Variants in BRIP1 observed in about 807,000 individuals in gnomAD.
The protein encoded by BRIP1 is BRCA1 interacting DNA helicase 1, also known as Fanconi anemia group J protein.
BRIP1 carries 88 observed loss-of-function variants against 119.7 expected under a neutral mutation model. That is an observed-to-expected ratio of 0.74 (90% CI 0.62 to 0.88). BRIP1 has a LOEUF of 0.88. Ranked by LOEUF, BRIP1 falls within the 40% of genes least tolerant of loss-of-function variation. The pLI, the probability that BRIP1 is intolerant of heterozygous loss-of-function variation, is 0.00. For synonymous variants in BRIP1, 443 were observed against 496.5 expected (o/e 0.89, Z 1.43); for missense variants, 1,259 against 1,455.4 (o/e 0.87, Z 2.20).
At position 61,824,220 on chromosome 17, in the gene BRIP1, T is replaced by G. The variant is rs2078371582; in HGVS notation, c.628-15463A>C. 6.6e-6 allele frequency among the ~76,000 whole-genome samples: 1 copy of G among 152,224 alleles called. No individual in the cohort carries two copies. The highest frequency in any genetic ancestry group is 1.5e-5 in the Non-Finnish European group (1 of 68,034). ...TGCTGAAAGAAAGAAAATGTGAACC[T>G]AAACTTCAATACCCAGTGAAAATGT... On this transcript the variant is annotated intron_variant, in intron 6 of 19. Transcript: ENST00000259008. The surrounding 1 kb of genome is among the most constrained non-coding windows in gnomAD (Gnocchi z 4.3).
At position 61,739,794 on chromosome 17, in the gene BRIP1, C is replaced by A. The variant is rs771816065; in HGVS notation, c.2379+3219G>T. On this transcript the variant is annotated intron_variant, in intron 16 of 19. Coordinates refer to ENST00000259008, the MANE Select transcript of BRIP1 (RefSeq NM_032043.3). This position sits in a 1 kb window ranked among gnomAD's most constrained non-coding sequence, Gnocchi z 6.0. ...GAAAATCTCAAATTTTCTCAGATTG[C>A]CAGCACTTTCAAATGCCTGTAGGAA... 2.6e-5 allele frequency among the ~76,000 whole-genome samples: 4 copies of A among 152,158 alleles called. No homozygotes were observed. Among genetic ancestry groups the A allele is most frequent in the Middle Eastern group, 3.4e-3 (1 of 294 alleles).
Position 61,793,293 on chromosome 17 carries a change from T to C in BRIP1, c.1473+304A>G, listed in dbSNP as rs2077847037. Among the ~76,000 whole-genome samples, 1 of 152,068 alleles carries C rather than the reference T, an allele frequency of 6.6e-6. No homozygotes were observed. The highest frequency in any genetic ancestry group is 6.6e-5 in the Admixed American group (1 of 15,260). Reference sequence around the variant, plus strand: ...TCTCCTCTTTTTATTTTCTAAAATTTTAACTTTTACAATTGACTAAGTAAG... The same window carrying C: ...TCTCCTCTTTTTATTTTCTAAAATTCTAACTTTTACAATTGACTAAGTAAG... On this transcript the variant is annotated intron_variant, in intron 10 of 19. Transcript: ENST00000259008. This position sits in a 1 kb window ranked among gnomAD's most constrained non-coding sequence, Gnocchi z 5.2.
chr17:61,779,334 C>G (rs765249802), intron 13 of BRIP1, among the ~76,000 whole-genome samples: 40 of 152,202 alleles, frequency 2.6e-4, no homozygotes, highest in Non-Finnish European at 5.3e-4. Context: ...CCCAGCTACT[C>G]AGGAGGCTGA....
At position 61,807,773 on chromosome 17, in the gene BRIP1, A is replaced by C. The variant is rs549970512; in HGVS notation, c.918+694T>G. Among the ~76,000 whole-genome samples, 33 of 152,274 alleles carry C rather than the reference A, an allele frequency of 2.2e-4. No homozygotes were observed. Among genetic ancestry groups the C allele is most frequent in the African/African-American group, 6.3e-4 (26 of 41,582 alleles). ...ATTTCATACTTGCAACTTCAATTTT[A>C]GAGTAAACTAATTATCACACCAGAA... On this transcript the variant is annotated intron_variant, in intron 7 of 19. Transcript: ENST00000259008. This position sits in a 1 kb window ranked among gnomAD's most constrained non-coding sequence, Gnocchi z 4.5.
At chr17:61,850,070 G>A (rs1396023721) in intron 4 of BRIP1, among the ~76,000 whole-genome samples, 2 of 151,242 alleles carry the variant, frequency 1.3e-5, no homozygotes, top group Non-Finnish European at 2.9e-5. Flanking sequence ...CCACTCCCAT[G>A]GCTTGAATTA....
chr17:61,717,843 C>T lies in BRIP1; in HGVS notation c.2380-1780G>A, dbSNP rs2061906180. 6.6e-6 allele frequency among the ~76,000 whole-genome samples: 1 copy of T among 151,950 alleles called. No homozygotes were observed. The highest frequency in any genetic ancestry group is 2.4e-5 in the African/African-American group (1 of 41,374). ...TTTATATTACTCCACATGTCACTGA[C>T]CCTCTTTTTTTTCACTCTACACTTC... On this transcript the variant is annotated intron_variant, in intron 16 of 19. Transcript: ENST00000259008. The surrounding 1 kb of genome is among the most constrained non-coding windows in gnomAD (Gnocchi z 4.1).
intron 11 of BRIP1, chr17:61,784,054 C>T (rs561606810): frequency 2.2e-6 from 1 of 452,046 alleles, no homozygotes; most frequent in Admixed American, 3.8e-5. Context: ...TGCACTTCAG[C>T]CTGGGTGACA....
intron 10 of BRIP1, among the ~76,000 whole-genome samples, chr17:61,791,224 C>T (rs2077810788): frequency 6.6e-6 from 1 of 151,992 alleles, no homozygotes; most frequent in South Asian, 2.1e-4. Flanking sequence ...CACGGTGACT[C>T]ACACCTGTGA....
rs2078064481 is a variant in BRIP1 at position 61,805,713 on chromosome 17, AC to A, written c.918+2753del. On this transcript the variant is annotated intron_variant, in intron 7 of 19. Coordinates refer to ENST00000259008, the MANE Select transcript of BRIP1 (RefSeq NM_032043.3). The surrounding 1 kb of genome is among the most constrained non-coding windows in gnomAD (Gnocchi z 5.6). ...CTAAAATTCTGTGATTCAGGTAAAA[AC>A]GTGTCAATCATCTTTCATACTCTCA... Among the ~76,000 whole-genome samples, 1 of 152,158 alleles carries A rather than the reference AC, an allele frequency of 6.6e-6. No individual in the cohort carries two copies. The highest frequency in any genetic ancestry group is 2.1e-4 in the South Asian group (1 of 4,832).
chr17:61,731,567 C>T (rs1372771441), intron 16 of BRIP1, among the ~76,000 whole-genome samples: 1 of 152,224 alleles, frequency 6.6e-6, no homozygotes, highest in Non-Finnish European at 1.5e-5. Context: ...TTGGAAACTG[C>T]TATCCTCTTT....
Position 61,842,354 on chromosome 17 carries a change from G to T in BRIP1, c.627+4747C>A, listed in dbSNP as rs1411478820. Among the ~76,000 whole-genome samples, 1 of 152,022 alleles carries T rather than the reference G, an allele frequency of 6.6e-6. No homozygotes were observed. The highest frequency in any genetic ancestry group is 1.5e-5 in the Non-Finnish European group (1 of 67,996). On this transcript the variant is annotated intron_variant, in intron 6 of 19. Coordinates refer to ENST00000259008, the MANE Select transcript of BRIP1 (RefSeq NM_032043.3). The surrounding 1 kb of genome is among the most constrained non-coding windows in gnomAD (Gnocchi z 5.1). Reference sequence around the variant, plus strand: ...TACAGCTAGATTGGAGAAACAGGAGGAATAAGTTCTGGTATTCTATAGCAC... The same window carrying T: ...TACAGCTAGATTGGAGAAACAGGAGTAATAAGTTCTGGTATTCTATAGCAC...
Position 61,757,148 on chromosome 17 carries a change from A to T in BRIP1, c.2098-12557T>A, listed in dbSNP as rs967405650. ...AAGAGTTCCTTTTAAATACTAATAA[A>T]AATGAAAAAGTAGTAGTGTTTTTTA... On this transcript the variant is annotated intron_variant, in intron 14 of 19. Coordinates refer to ENST00000259008, the MANE Select transcript of BRIP1 (RefSeq NM_032043.3). The surrounding 1 kb of genome is among the most constrained non-coding windows in gnomAD (Gnocchi z 4.3). 6.6e-6 allele frequency among the ~76,000 whole-genome samples: 1 copy of T among 152,252 alleles called. No homozygotes were observed. Among genetic ancestry groups the T allele is most frequent in the African/African-American group, 2.4e-5 (1 of 41,478 alleles).
chr17:61,694,296 T>C (rs2061492142), intron 17 of BRIP1, among the ~76,000 whole-genome samples: 2 of 152,070 alleles, frequency 1.3e-5, no homozygotes, highest in Admixed American at 6.6e-5. Context: ...TTTCTGTCCT[T>C]AGAGAGTTGC....
In BRIP1 at chr17:61,753,940, C is replaced by T. The variant is rs2077167746; in HGVS notation, c.2098-9349G>A. Among the ~76,000 whole-genome samples, 1 of 152,152 alleles carries T rather than the reference C, an allele frequency of 6.6e-6. No individual in the cohort carries two copies. Among genetic ancestry groups the T allele is most frequent in the South Asian group, 2.1e-4 (1 of 4,816 alleles). ...CATCTCTACTACTGCTCATCCAATT[C>T]ATCAGCAAATCCTGCCAGCACTACT... On this transcript the variant is annotated intron_variant, in intron 14 of 19. Transcript: ENST00000259008. The surrounding 1 kb of genome is among the most constrained non-coding windows in gnomAD (Gnocchi z 4.6).
intron 6 of BRIP1, among the ~76,000 whole-genome samples, chr17:61,835,140 G>GAA (rs11413507): frequency 6.6e-6 from 1 of 151,896 alleles, no homozygotes; most frequent in African/African-American, 2.4e-5. Flanking sequence ...TTTATATTCA[G>GAA]AAAAAAGTTA....
chr17:61,815,892 C>T lies in BRIP1; in HGVS notation c.628-7135G>A, dbSNP rs1044516170. Among the ~76,000 whole-genome samples the T allele has an allele frequency of 6.6e-6, 1 of 152,186 alleles. No individual in the cohort carries two copies. Among genetic ancestry groups the T allele is most frequent in the African/African-American group, 2.4e-5 (1 of 41,460 alleles). On this transcript the variant is annotated intron_variant, in intron 6 of 19. Transcript: ENST00000259008. This position sits in a 1 kb window ranked among gnomAD's most constrained non-coding sequence, Gnocchi z 4.1. Reference sequence around the variant, plus strand: ...TTTTTTAATCTTTATCAACCATTTGCTGTTGTCCAAGCCATCTAAACAGGT... The same window carrying T: ...TTTTTTAATCTTTATCAACCATTTGTTGTTGTCCAAGCCATCTAAACAGGT...
rs928905856 is a variant in BRIP1, at chr17:61,857,313, T to C, written c.206-82A>G. On this transcript the variant is annotated intron_variant, in intron 3 of 19. Coordinates refer to ENST00000259008, the MANE Select transcript of BRIP1 (RefSeq NM_032043.3). The surrounding 1 kb of genome is among the most constrained non-coding windows in gnomAD (Gnocchi z 5.1). ...TCTCTACAGCCCAGTTCACCCAGGA[T>C]TGGGAGGTTTCCTAAGATAAAAGAT... 4.2e-5 allele frequency: 55 copies of C among 1,310,212 alleles called. No homozygotes were observed. The highest frequency in any genetic ancestry group is 5.5e-5 in the Non-Finnish European group (53 of 960,014). 81.2% of individuals were successfully genotyped at this position (1,310,212 alleles called of 1,614,324 possible).
intron 10 of BRIP1, among the ~76,000 whole-genome samples, chr17:61,791,721 C>T (rs1370283034): frequency 3.9e-5 from 6 of 152,010 alleles, no homozygotes; most frequent in Non-Finnish European, 5.9e-5. Context: ...AAGTACAGCC[C>T]AGTGCCAAGA....
chr17:61,844,017 T>C lies in BRIP1; in HGVS notation c.627+3084A>G, dbSNP rs997888268. 2.0e-5 allele frequency among the ~76,000 whole-genome samples: 3 copies of C among 152,028 alleles called. No homozygotes were observed. The highest frequency in any genetic ancestry group is 6.6e-5 in the Admixed American group (1 of 15,258). On this transcript the variant is annotated intron_variant, in intron 6 of 19. Coordinates refer to ENST00000259008, the MANE Select transcript of BRIP1 (RefSeq NM_032043.3). This position sits in a 1 kb window ranked among gnomAD's most constrained non-coding sequence, Gnocchi z 4.7. ...ATAGTTCAATACAGCCTCAATCTTCTGGCTCAAGGGATCCCCCTCCCTCAG... is the reference window on the plus strand; with the variant it reads ...ATAGTTCAATACAGCCTCAATCTTCCGGCTCAAGGGATCCCCCTCCCTCAG...
Sources: gnomAD v4.1 joint callset for allele counts (sites outside exome capture counted in the v4.1 genomes callset) on GRCh38, gnomAD v4.1.1 for gene constraint, Gnocchi (gnomAD v3.1) non-coding constraint, MANE v1.5 for transcripts, NCBI Gene and HGNC (gene_info 2026-07-23, HGNC 2026-07-21) for gene names.